TLE2: variants seen among roughly 807,000 people sequenced by gnomAD.
TLE2 encodes TLE family member 2, transcriptional corepressor.
TLE2 carries 74 observed loss-of-function variants against 97.2 expected under a neutral mutation model. The observed-to-expected ratio is 0.76, with a 90% CI of 0.63 to 0.92. TLE2 has a LOEUF of 0.92. TLE2 is among the 40% of genes least tolerant of loss of function. TLE2 has a pLI of 0.00. For missense variants in TLE2, 1,038 were observed against 1,008.7 expected, an observed-to-expected ratio of 1.03 and a Z score of -0.39; for synonymous variants, 499 against 432.1, an observed-to-expected ratio of 1.15 and a Z score of -1.92.
chr19:3,045,938 C>G (rs564970851), upstream of TLE2: 1 of 293,940 alleles, frequency 3.4e-6, no homozygotes, highest in African/African-American at 2.2e-5. Flanking sequence ...AAAACAGACC[C>G]TCCTTCAGAG....
At chr19:3,047,338 C>G (rs1232395236), upstream of TLE2, among the ~76,000 whole-genome samples, 1 of 144,404 alleles carries the variant, frequency 6.9e-6, no homozygotes, top group Non-Finnish European at 1.5e-5. Flanking sequence ...TTCCCGGACC[C>G]GAGCACGCCC....
intron 8 of TLE2, 25 bp from the exon 9 acceptor site, chr19:3,015,785 G>C: frequency 1.9e-6 from 3 of 1,553,632 alleles, no homozygotes; most frequent in South Asian, 2.3e-5. Flanking sequence ...AGGCCGGGGG[G>C]AGAAAGGGTC....
In TLE2 at chr19:2,997,881, G is replaced by A; in HGVS notation, c.2199C>T (p.Asp733=). Residue 733 remains aspartate, a synonymous_variant, in exon 20 of 20, where the codon GAC becomes GAT. Transcript: ENST00000262953. ...CCACCTCATACACGGTGGCCTTCTT[G>A]TCCCCCGAGCCTGTCACGATGTATT... The part of the protein sequence containing the change: ...NNKYIVTGSG[D]KKATVYEVVY 2 of 1,612,270 alleles carry A rather than the reference G, an allele frequency of 1.2e-6. No homozygotes were observed. Among genetic ancestry groups the A allele is most frequent in the Non-Finnish European group, 1.7e-6 (2 of 1,179,294 alleles).
chr19:3,021,875 G>A (rs989592534), intron 5 of TLE2, among the ~76,000 whole-genome samples: 1 of 152,082 alleles, frequency 6.6e-6, no homozygotes, highest in Non-Finnish European at 1.5e-5. Context: ...GAGCCACTGC[G>A]CCCAGCCTAA....
At chr19:3,031,341 A>AT (rs1467000047), upstream of TLE2, among the ~76,000 whole-genome samples, 2 of 102,980 alleles carry the variant, frequency 1.9e-5, no homozygotes, top group East Asian at 6.3e-4. Flanking sequence ...TAAAGATACA[A>AT]TTGTGTGTGT....
chr19:3,040,727 A>G (rs1365356979), intron 1 of TLE2, among the ~76,000 whole-genome samples: 2 of 151,796 alleles, frequency 1.3e-5, no homozygotes. Flanking sequence ...GGCTCCCTGC[A>G]AGCCTCGAGC....
At chr19:3,039,550 A>G (rs1163942021) in intron 1 of TLE2, among the ~76,000 whole-genome samples, 4 of 152,086 alleles carry the variant, frequency 2.6e-5, no homozygotes, top group Admixed American at 2.6e-4. Context: ...TGGCTAGAGT[A>G]GCTCCCCTCC....
chr19:3,036,239 G>A (rs1200271168), intron 1 of TLE2, among the ~76,000 whole-genome samples: 1 of 152,194 alleles, frequency 6.6e-6, no homozygotes, highest in Admixed American at 6.5e-5. Flanking sequence ...AGCTGGAGGA[G>A]AGCACGGGTT....
In TLE2 at chr19:2,997,728, A is replaced by C. The variant is rs776025937; in HGVS notation, c.*120T>G. The C allele has an allele frequency of 1.2e-4, 83 of 706,804 alleles. No homozygotes were observed. In the African/African-American group the frequency reaches 1.3e-3, roughly 11 times the overall value. The allele number at this position is 706,804 out of a possible 1,614,324, so 43.8% of individuals were successfully genotyped here. A position where few individuals can be genotyped will look rare whatever the true frequency, so the allele number is the denominator to read the frequency against. On this transcript the variant is annotated 3_prime_UTR_variant, in exon 20 of 20. Transcript: ENST00000262953. ...AGGGGAAGGTGTGAAGCCGTTGGCCAGAGAGCAGATGGGATGTACGGTTCC... is the reference window on the plus strand; with the variant it reads ...AGGGGAAGGTGTGAAGCCGTTGGCCCGAGAGCAGATGGGATGTACGGTTCC...
chr19:3,025,581 T>A, intron 4 of TLE2: 1 of 986,668 alleles, frequency 1.0e-6, no homozygotes, highest in Non-Finnish European at 1.2e-6. Context: ...CAGGTGGAGA[T>A]CTCAGCACGC....
chr19:3,045,659 C>G (rs1056851323), intron 1 of TLE2: 2 of 397,280 alleles, frequency 5.0e-6, no homozygotes, highest in Non-Finnish European at 1.0e-5. Context: ...CCACCCCACC[C>G]CGTCTCTACT....
chr19:3,041,917 C>G (rs1450727299), intron 1 of TLE2, among the ~76,000 whole-genome samples: 1 of 82,252 alleles, frequency 1.2e-5, no homozygotes, highest in Admixed American at 9.1e-5. Flanking sequence ...CTGTGGCTGC[C>G]TTTGCGGGGG....
At chr19:3,035,896 G>C (rs1010361478) in intron 1 of TLE2, among the ~76,000 whole-genome samples, 1 of 151,166 alleles carries the variant, frequency 6.6e-6, no homozygotes, top group Non-Finnish European at 1.5e-5. Context: ...GGGGGGCTAA[G>C]GCTCCATTAT....
intron 1 of TLE2, among the ~76,000 whole-genome samples, chr19:3,043,413 G>A (rs112389572): frequency 0.16 from 19,745 of 123,102 alleles, 1,795 homozygotes; most frequent in Middle Eastern, 0.32. Flanking sequence ...GCCTAACCTC[G>A]TGATCCGCCC....
chr19:2,999,726 C>CAA (rs199521660), intron 19 of TLE2, among the ~76,000 whole-genome samples: 5,223 of 112,716 alleles, frequency 0.046, 133 homozygotes, highest in Non-Finnish European at 0.065. Flanking sequence ...GACTCCATCT[C>CAA]AAAAAAAAAA....
intron 1 of TLE2, chr19:3,045,657 CCCCGTCT>C (rs2090136310): frequency 2.5e-6 from 1 of 397,254 alleles, no homozygotes; most frequent in African/African-American, 2.1e-5. Flanking sequence ...CCCCACCCCA[CCCCGTCT>C]CTACTAAAAA....
rs878953805 is a variant in TLE2 at position 3,019,835 on chromosome 19, C to T, written c.295-62G>A. 1.3e-6 allele frequency: 2 copies of T among 1,558,632 alleles called. No homozygotes were observed. Among genetic ancestry groups the T allele is most frequent in the South Asian group, 2.3e-5 (2 of 85,508 alleles). On this transcript the variant is annotated intron_variant, in intron 5 of 19. Transcript: ENST00000262953. The surrounding 1 kb of genome is among the most constrained non-coding windows in gnomAD (Gnocchi z 5.1). ...AGCCCCTGCTCATGCTAGCGGTGCC[C>T]TTGGGGACCTGACCTCTCCCCGCCA...
upstream of TLE2, among the ~76,000 whole-genome samples, chr19:3,033,794 C>T (rs2090043372): frequency 6.6e-6 from 1 of 152,120 alleles, no homozygotes; most frequent in South Asian, 2.1e-4. Context: ...CCAAAGAGGC[C>T]AGGAGTTTGA....
Position 3,009,532 on chromosome 19 carries a change from A to T in TLE2, c.1173+10T>A, listed in dbSNP as rs2089546130. On this transcript the variant is annotated intron_variant, in intron 13 of 19. Coordinates refer to ENST00000262953, the MANE Select transcript of TLE2 (RefSeq NM_003260.5). ...GCTGACACCTCCTGCGCCCCCACCC[A>T]AGGACTCACCACGGGGGAGCGTCCG... 1 of 1,594,074 alleles carries T rather than the reference A, an allele frequency of 6.3e-7. No individual in the cohort carries two copies. The highest frequency in any genetic ancestry group is 1.3e-5 in the African/African-American group (1 of 74,160).
Sources: gnomAD v4.1 joint callset for allele counts (sites outside exome capture counted in the v4.1 genomes callset) on GRCh38, gnomAD v4.1.1 for gene constraint, Gnocchi (gnomAD v3.1) non-coding constraint, MANE v1.5 for transcripts, NCBI Gene and HGNC (gene_info 2026-07-23, HGNC 2026-07-21) for gene names.